The following ADAMTSL1 variants were observed in gnomAD, a reference collection of about 807,000 sequenced individuals.
The protein encoded by ADAMTSL1 is ADAMTS-like protein 1.
In ADAMTSL1, 126 loss-of-function variants were observed where a neutral mutation model predicts 201.8. The ratio of observed to expected loss-of-function variants is 0.62; its 90% CI spans 0.54 to 0.72. ADAMTSL1 has a LOEUF of 0.72. Among genes scored for constraint, ADAMTSL1 ranks in the 30% least tolerant of loss-of-function variants. The pLI is 0.00. For synonymous variants in ADAMTSL1, 1,121 were observed against 903.4 expected, an observed-to-expected ratio of 1.24 and a Z score of -4.32; for missense variants, 2,679 against 2,277.8, an observed-to-expected ratio of 1.18 and a Z score of -3.59.
intron 26 of ADAMTSL1, among the ~76,000 whole-genome samples, chr9:18,900,094 A>ATAAC (rs1190932609): frequency 6.6e-6 from 1 of 152,214 alleles, no homozygotes; most frequent in Non-Finnish European, 1.5e-5. Flanking sequence ...TTACAAGAAA[A>ATAAC]TAACTCCATT....
intron 23 of ADAMTSL1, among the ~76,000 whole-genome samples, chr9:18,870,626 A>T (rs547034881): frequency 3.9e-5 from 6 of 152,134 alleles, no homozygotes; most frequent in Non-Finnish European, 5.9e-5. Flanking sequence ...ATCACAAGCC[A>T]ATAAAGTTAT....
intron 1 of ADAMTSL1, among the ~76,000 whole-genome samples, chr9:18,144,268 G>T (rs10481561): frequency 0.67 from 101,446 of 151,656 alleles, 34,999 homozygotes; most frequent in South Asian, 0.77. Context: ...GTGCAGTGGC[G>T]CGATCTTGGC....
chr9:18,362,767 G>C (rs1443089387), intron 2 of ADAMTSL1, among the ~76,000 whole-genome samples: 2 of 152,086 alleles, frequency 1.3e-5, no homozygotes, highest in Non-Finnish European at 2.9e-5. Flanking sequence ...CAGTATTCTG[G>C]TTATTAACTG....
chr9:18,338,381 G>A (rs900178965), intron 2 of ADAMTSL1, among the ~76,000 whole-genome samples: 4 of 152,034 alleles, frequency 2.6e-5, no homozygotes, highest in African/African-American at 7.2e-5. Context: ...TTTCCATTCA[G>A]GTTCCTACCC....
intron 3 of ADAMTSL1, among the ~76,000 whole-genome samples, chr9:18,538,615 A>G (rs1256469089): frequency 1.3e-5 from 2 of 152,180 alleles, no homozygotes; most frequent in Non-Finnish European, 2.9e-5. Flanking sequence ...CAGAGCAAAG[A>G]GAGTCAATGT....
At chr9:18,697,316 A>G (rs1831619951) in intron 13 of ADAMTSL1, among the ~76,000 whole-genome samples, 1 of 152,240 alleles carries the variant, frequency 6.6e-6, no homozygotes, top group Non-Finnish European at 1.5e-5. Context: ...GAACAGAAAA[A>G]TACATATATT....
At chr9:18,582,192 C>T (rs1823141065) in intron 4 of ADAMTSL1, among the ~76,000 whole-genome samples, 1 of 152,140 alleles carries the variant, frequency 6.6e-6, no homozygotes, top group South Asian at 2.1e-4. Flanking sequence ...GCCCTGTTAC[C>T]AGAGCACACT....
At position 18,838,881 on chromosome 9, in the gene ADAMTSL1, T is replaced by A. The variant is rs1429087738; in HGVS notation, c.4249+8904T>A. On this transcript the variant is annotated intron_variant, in intron 23 of 28. Transcript: ENST00000380548. ...ACAAGTGAGATCCTGTCTCTTTTTTTTAAAAAAAAAAAAAACCTAAAATAT... is the reference window on the plus strand; with the variant it reads ...ACAAGTGAGATCCTGTCTCTTTTTTATAAAAAAAAAAAAAACCTAAAATAT... 5.1e-3 allele frequency among the ~76,000 whole-genome samples: 741 copies of A among 146,104 alleles called. 7 individuals carry two copies. Among genetic ancestry groups the A allele is most frequent in the African/African-American group, 0.016 (618 of 39,818 alleles).
intron 20 of ADAMTSL1, among the ~76,000 whole-genome samples, chr9:18,815,104 T>C (rs1563824207): frequency 6.6e-6 from 1 of 152,196 alleles, no homozygotes. Context: ...TATACATTGT[T>C]AATGGGAATG....
intron 15 of ADAMTSL1, among the ~76,000 whole-genome samples, chr9:18,730,956 CACTT>C (rs1378084664): frequency 6.6e-6 from 1 of 152,242 alleles, no homozygotes; most frequent in African/African-American, 2.4e-5. Flanking sequence ...TGGAGCTTGA[CACTT>C]ACTCCACTAT....
intron 10 of ADAMTSL1, among the ~76,000 whole-genome samples, chr9:18,677,710 A>G (rs1830207565): frequency 1.3e-5 from 2 of 152,056 alleles, no homozygotes; most frequent in Admixed American, 1.3e-4. Context: ...CTAAATCCCA[A>G]TGGTATATTA....
At chr9:18,256,438 A>G (rs545370744) in intron 2 of ADAMTSL1, among the ~76,000 whole-genome samples, 41 of 152,322 alleles carry the variant, frequency 2.7e-4, no homozygotes, top group African/African-American at 9.6e-4. Flanking sequence ...GTACAGTCCA[A>G]TGAACCCTGA....
At chr9:18,206,892 G>A (rs572174922) in intron 2 of ADAMTSL1, among the ~76,000 whole-genome samples, 11 of 152,030 alleles carry the variant, frequency 7.2e-5, no homozygotes, top group African/African-American at 9.7e-5. Flanking sequence ...GGCTTGGCAC[G>A]GTGGCTCACA....
At chr9:18,683,212 T>C (rs1419292060) in intron 12 of ADAMTSL1, among the ~76,000 whole-genome samples, 3 of 141,024 alleles carry the variant, frequency 2.1e-5, no homozygotes, top group Non-Finnish European at 4.5e-5. Flanking sequence ...GACAGCTTCA[T>C]TTACTGAGGT....
intron 1 of ADAMTSL1, among the ~76,000 whole-genome samples, chr9:18,139,755 C>T (rs1422535452): frequency 6.6e-6 from 1 of 152,062 alleles, no homozygotes. Flanking sequence ...CAATTTTTTT[C>T]CCACTCATAT....
chr9:18,260,252 T>C (rs1269962419), intron 2 of ADAMTSL1, among the ~76,000 whole-genome samples: 2 of 152,218 alleles, frequency 1.3e-5, no homozygotes, highest in Admixed American at 1.3e-4. Context: ...CTAGAATCCT[T>C]ACTTTCACAC....
At chr9:18,449,811 A>G (rs1175698838) in intron 2 of ADAMTSL1, among the ~76,000 whole-genome samples, 5 of 152,220 alleles carry the variant, frequency 3.3e-5, no homozygotes, top group Non-Finnish European at 7.3e-5. Flanking sequence ...GCAAATGCAC[A>G]GTAAAACCAC....
intron 23 of ADAMTSL1, among the ~76,000 whole-genome samples, chr9:18,836,725 C>T (rs1004564320): frequency 2.0e-5 from 3 of 152,192 alleles, no homozygotes; most frequent in African/African-American, 7.2e-5. Flanking sequence ...TCTTCTAATC[C>T]ATAAGCACGG....
chr9:18,279,583 A>G (rs1832707400), intron 2 of ADAMTSL1, among the ~76,000 whole-genome samples: 1 of 151,796 alleles, frequency 6.6e-6, no homozygotes, highest in South Asian at 2.1e-4. Flanking sequence ...AATCGGGGAA[A>G]CATGACACCA....
Sources: gnomAD v4.1 joint callset for allele counts (sites outside exome capture counted in the v4.1 genomes callset) on GRCh38, gnomAD v4.1.1 for gene constraint, MANE v1.5 for transcripts, NCBI Gene and HGNC (gene_info 2026-07-23, HGNC 2026-07-21) for gene names.